The following ZNF516 variants were observed in gnomAD, a reference collection of about 807,000 sequenced individuals.
The protein encoded by ZNF516 is zinc finger protein 516.
A neutral mutation model predicts 79.7 loss-of-function variants in ZNF516; 19 were observed. The ratio of observed to expected loss-of-function variants is 0.24; its 90% CI spans 0.17 to 0.35. The LOEUF (loss-of-function observed/expected upper bound fraction) is 0.35, where lower values mean the gene tolerates loss of function less well. ZNF516 is among the 10% of genes least tolerant of loss of function. The probability of loss-of-function intolerance (pLI) is 1.00; values close to 1 mark genes in which losing one functional copy is unlikely to be tolerated. For synonymous variants in ZNF516, 877 were observed against 739.5 expected (o/e 1.19, Z -3.02); for missense variants, 1,678 against 1,679.5 (o/e 1.00, Z 0.02).
At chr18:76,374,677 C>G (rs771596760) in intron 4 of ZNF516, among the ~76,000 whole-genome samples, 1 of 152,196 alleles carries the variant, frequency 6.6e-6, no homozygotes, top group East Asian at 1.9e-4. Context: ...TGCATGTACA[C>G]GTGAGATGAC....
At chr18:76,458,917 G>A (rs1219590856) in intron 2 of ZNF516, among the ~76,000 whole-genome samples, 2 of 152,224 alleles carry the variant, frequency 1.3e-5, no homozygotes, top group South Asian at 2.1e-4. Context: ...TAGAGTGTGT[G>A]ACAGTGAGTG....
chr18:76,436,905 C>CA (rs891997767), intron 3 of ZNF516, among the ~76,000 whole-genome samples: 50 of 152,004 alleles, frequency 3.3e-4, no homozygotes, highest in Admixed American at 1.2e-3. Flanking sequence ...CCATGTCTAC[C>CA]AAAAAAATAC....
At chr18:76,422,423 TAA>T (rs2075520874) in intron 3 of ZNF516, among the ~76,000 whole-genome samples, 1 of 152,248 alleles carries the variant, frequency 6.6e-6, no homozygotes, top group African/African-American at 2.4e-5. Flanking sequence ...GTGACTGCCC[TAA>T]CTTTCCGGAA....
rs1053716436 is a variant in ZNF516 at position 76,443,003 on chromosome 18, T to C, written c.52A>G (p.Thr18Ala). ...EMELRRGPSP[T>A]RAGRGHEVDG... is the part of the protein sequence containing the mutation. ...ACCTCGTGGCCCCGGCCGGCCCTGG[T>C]GGGGCTGGGGCCTCGCCTCAGCTCC... Residue 18 changes from threonine to alanine, a missense_variant, in exon 3 of 7, where the codon ACC becomes GCC. By Grantham distance (58) the Thr-to-Ala change is moderately conservative (BLOSUM62 0). Coordinates refer to ENST00000443185, the MANE Select transcript of ZNF516 (RefSeq NM_014643.4). The C allele has an allele frequency of 6.2e-7, 1 of 1,600,442 alleles. No individual in the cohort carries two copies. Among genetic ancestry groups the C allele is most frequent in the Non-Finnish European group, 8.5e-7 (1 of 1,178,472 alleles).
chr18:76,424,516 G>C (rs1436322563), intron 3 of ZNF516, among the ~76,000 whole-genome samples: 1 of 118,836 alleles, frequency 8.4e-6, no homozygotes, highest in Non-Finnish European at 1.7e-5. Flanking sequence ...GTTCCCCCAT[G>C]AAACACATGC....
chr18:76,386,110 T>C (rs2074987793), intron 3 of ZNF516: 1 of 152,236 alleles, frequency 6.6e-6, no homozygotes, highest in Non-Finnish European at 1.5e-5. Flanking sequence ...CCATAACGGA[T>C]ACAGTTTAGT....
chr18:76,389,105 C>T (rs752258082), intron 3 of ZNF516: 2 of 152,194 alleles, frequency 1.3e-5, no homozygotes, highest in South Asian at 2.1e-4. Flanking sequence ...CCACAAACCC[C>T]GATGTTACTC....
At chr18:76,403,207 T>C (rs1317077386) in intron 3 of ZNF516, among the ~76,000 whole-genome samples, 1 of 152,228 alleles carries the variant, frequency 6.6e-6, no homozygotes, top group African/African-American at 2.4e-5. Flanking sequence ...TGGAAGTCCA[T>C]ACAACAGTAC....
rs990611122 is a variant in ZNF516 at position 76,404,357 on chromosome 18, C to T, written c.1811-24054G>A. ...TGTGTATGTGTGAGTGCATATACTA[C>T]GTGTAATGTGCATGTGTGTGAACGG... On this transcript the variant is annotated intron_variant, in intron 3 of 6. Transcript: ENST00000443185. 4.4e-3 allele frequency among the ~76,000 whole-genome samples: 6 copies of T among 1,356 alleles called. No homozygotes were observed. In the Non-Finnish European group the frequency reaches 0.088, roughly 20 times the overall value. The allele number at this position is 1,356 out of a possible 152,430, so 0.9% of individuals were successfully genotyped here.
At chr18:76,473,903 T>TGTGTGTGTGTGGC (rs58634236) in intron 1 of ZNF516, among the ~76,000 whole-genome samples, 2 of 54,170 alleles carry the variant, frequency 3.7e-5, no homozygotes, top group African/African-American at 1.8e-4. Flanking sequence ...TGTTTTTGTG[T>TGTGTGTGTGTGGC]GGGGGGGGGG....
chr18:76,441,370 C>A lies in ZNF516; in HGVS notation c.1685G>T (p.Gly562Val). The change falls in exon 3 of 7, where the codon GGT becomes GTT. Residue 562 changes from glycine to valine, a missense_variant. Gly to Val is a moderately radical substitution (Grantham distance 109). Transcript: ENST00000443185. ...ARARCGSLSE[G>V]DSASQPSSPG... ...GCTGCTGGGCTGGGAGGCCGAGTCA[C>A]CCTCACTGAGTGATCCGCAGCGGGC... 1 of 1,611,184 alleles carries A rather than the reference C, an allele frequency of 6.2e-7. No homozygotes were observed. Among genetic ancestry groups the A allele is most frequent in the South Asian group, 1.1e-5 (1 of 90,992 alleles).
At chr18:76,414,377 G>A (rs1351227361) in intron 3 of ZNF516, among the ~76,000 whole-genome samples, 1 of 152,136 alleles carries the variant, frequency 6.6e-6, no homozygotes. Flanking sequence ...TTATTTTAAG[G>A]GTTTTCATCC....
intron 3 of ZNF516, among the ~76,000 whole-genome samples, chr18:76,422,203 T>C (rs1325052071): frequency 6.6e-6 from 1 of 151,974 alleles, no homozygotes; most frequent in Non-Finnish European, 1.5e-5. Context: ...TAAGACACAG[T>C]AAACTGTTCC....
At position 76,357,993 on chromosome 18, in the gene ZNF516, G is replaced by GA. The variant is rs146852909; in HGVS notation, c.*4504dup. On this transcript the variant is annotated 3_prime_UTR_variant, in exon 7 of 7. Coordinates refer to ENST00000443185, the MANE Select transcript of ZNF516 (RefSeq NM_014643.4). ...TGTCCTCGAGTCCACAAAAGAGTTG[G>GA]AAAAAAACCACTCGGGCCATCTGGG... 3.9e-5 allele frequency among the ~76,000 whole-genome samples: 6 copies of GA among 151,932 alleles called. No homozygotes were observed. The highest frequency in any genetic ancestry group is 4.2e-4 in the South Asian group (2 of 4,772).
Position 76,390,151 on chromosome 18 carries a change from C to T in ZNF516, c.1811-9848G>A, listed in dbSNP as rs118110431. On this transcript the variant is annotated intron_variant, in intron 3 of 6. Coordinates refer to ENST00000443185, the MANE Select transcript of ZNF516 (RefSeq NM_014643.4). ...TCAGAGTGAATCTATGGTCACGACC[C>T]GGACCCCGGAGGCCTGTGCATTGAG... Among the ~76,000 whole-genome samples the T allele has an allele frequency of 2.4e-3, 370 of 152,306 alleles. 9 individuals carry two copies. In the East Asian group the frequency reaches 0.061, roughly 25 times the overall value.
chr18:76,495,349 C>T (rs1018039860), upstream of ZNF516, among the ~76,000 whole-genome samples: 2 of 145,142 alleles, frequency 1.4e-5, no homozygotes, highest in Non-Finnish European at 3.1e-5. Context: ...GCCCCGGACG[C>T]GTCCGCCCCG....
chr18:76,375,369 C>A (rs1049855901), intron 4 of ZNF516, among the ~76,000 whole-genome samples: 8 of 151,690 alleles, frequency 5.3e-5, no homozygotes, highest in Admixed American at 2.0e-4. Context: ...GCCCCAGAGA[C>A]CAGGTAGAGA....
intron 1 of ZNF516, among the ~76,000 whole-genome samples, chr18:76,464,016 T>A (rs1446985083): frequency 6.6e-6 from 1 of 152,080 alleles, no homozygotes; most frequent in African/African-American, 2.4e-5. Flanking sequence ...TGTTTCTCCA[T>A]CTACAGTCTC....
At chr18:76,365,243 T>C (rs1193421189) in intron 6 of ZNF516, among the ~76,000 whole-genome samples, 1 of 152,244 alleles carries the variant, frequency 6.6e-6, no homozygotes, top group African/African-American at 2.4e-5. Context: ...AAATAAACTA[T>C]TAATCATAGT....
Sources: allele counts gnomAD v4.1 joint callset (sites outside exome capture counted in the v4.1 genomes callset), GRCh38; gene constraint gnomAD v4.1.1; transcripts MANE v1.5; gene names NCBI Gene and HGNC (gene_info 2026-07-23, HGNC 2026-07-21).